Variants in TBC1D22A observed in about 807,000 individuals in gnomAD.
TBC1D22A encodes putative GTPase activator.
In TBC1D22A, 38 loss-of-function variants were observed where a neutral mutation model predicts 60.2. The ratio of observed to expected loss-of-function variants is 0.63; its 90% CI spans 0.49 to 0.83. TBC1D22A has a LOEUF of 0.83. TBC1D22A is among the 40% of genes least tolerant of loss of function. TBC1D22A has a pLI of 0.00. For synonymous variants in TBC1D22A, 302 were observed against 281.7 expected (o/e 1.07, Z -0.72); for missense variants, 628 against 701.0 (o/e 0.90, Z 1.18).
At chr22:46,768,343 G>T (rs1187809337) in intron 1 of TBC1D22A, among the ~76,000 whole-genome samples, 1 of 152,044 alleles carries the variant, frequency 6.6e-6, no homozygotes, top group Non-Finnish European at 1.5e-5. Context: ...AAGTTAGCCA[G>T]GCGTGGTGGC....
At chr22:46,764,955 TG>T (rs1171185131) in intron 1 of TBC1D22A, among the ~76,000 whole-genome samples, 11 of 152,214 alleles carry the variant, frequency 7.2e-5, no homozygotes, top group African/African-American at 2.7e-4. Flanking sequence ...ATTCAGTTGG[TG>T]GTAATTTGTT....
intron 12 of TBC1D22A, among the ~76,000 whole-genome samples, chr22:47,125,976 TTTTTTTG>T (rs2066440284): frequency 2.0e-5 from 3 of 151,792 alleles, no homozygotes; most frequent in Non-Finnish European, 2.9e-5. Flanking sequence ...TGATGTTTCC[TTTTTTTG>T]TTTTTTGTTT....
chr22:46,814,159 C>T (rs959830798), intron 4 of TBC1D22A, among the ~76,000 whole-genome samples: 1 of 152,198 alleles, frequency 6.6e-6, no homozygotes, highest in African/African-American at 2.4e-5. Context: ...TTTAAAATTA[C>T]AGATGGTCAG....
chr22:46,977,153 C>T (rs2074331435), intron 9 of TBC1D22A, among the ~76,000 whole-genome samples: 1 of 152,170 alleles, frequency 6.6e-6, no homozygotes, highest in Admixed American at 6.5e-5. Flanking sequence ...GGGATCTTTC[C>T]TAGCTGAAAT....
chr22:46,891,507 A>G, intron 6 of TBC1D22A, 113 bp downstream of exon 6: 1 of 1,189,018 alleles, frequency 8.4e-7, no homozygotes. Context: ...TTAAAGATGC[A>G]GGTCCCTGAT....
intron 12 of TBC1D22A, among the ~76,000 whole-genome samples, chr22:47,114,913 G>A (rs1007857520): frequency 2.0e-5 from 3 of 152,108 alleles, no homozygotes; most frequent in Admixed American, 6.5e-5. Flanking sequence ...AGGTGAGGGC[G>A]CTGCCTGTGT....
At chr22:46,816,721 A>G (rs567161059) in intron 4 of TBC1D22A, among the ~76,000 whole-genome samples, 17 of 152,102 alleles carry the variant, frequency 1.1e-4, no homozygotes, top group African/African-American at 4.1e-4. Flanking sequence ...CATATTATCA[A>G]TCCCCATGAC....
intron 11 of TBC1D22A, among the ~76,000 whole-genome samples, chr22:47,042,845 GTCT>G (rs1280979639): frequency 6.6e-6 from 1 of 152,224 alleles, no homozygotes; most frequent in African/African-American, 2.4e-5. Flanking sequence ...TAGGTGAAAT[GTCT>G]TCATTTTATT....
At chr22:46,924,768 C>A (rs2070956108) in intron 8 of TBC1D22A, among the ~76,000 whole-genome samples, 1 of 151,160 alleles carries the variant, frequency 6.6e-6, no homozygotes, top group South Asian at 2.1e-4. Context: ...AAAACAAAAA[C>A]ATTATATTCC....
intron 4 of TBC1D22A, among the ~76,000 whole-genome samples, chr22:46,833,206 CTTTG>C (rs967512667): frequency 4.6e-5 from 7 of 152,194 alleles, no homozygotes; most frequent in Non-Finnish European, 7.3e-5. Context: ...TGTTTAGAAT[CTTTG>C]TTTGCTGTGT....
intron 11 of TBC1D22A, among the ~76,000 whole-genome samples, chr22:47,052,197 G>A (rs550705955): frequency 1.3e-5 from 2 of 152,216 alleles, no homozygotes; most frequent in African/African-American, 4.8e-5. Flanking sequence ...TTCTGAACAC[G>A]TATTTAGAGC....
At chr22:47,137,687 A>G (rs1240272222) in intron 12 of TBC1D22A, among the ~76,000 whole-genome samples, 1 of 152,226 alleles carries the variant, frequency 6.6e-6, no homozygotes, top group African/African-American at 2.4e-5. Context: ...TGGCCCCTGA[A>G]GCAGGCGGTA....
At chr22:46,866,819 T>C (rs1371203396) in intron 4 of TBC1D22A, among the ~76,000 whole-genome samples, 2 of 152,236 alleles carry the variant, frequency 1.3e-5, no homozygotes, top group African/African-American at 4.8e-5. Flanking sequence ...GCAGCAGGCA[T>C]GCGGAAGCGT....
At chr22:46,873,308 TA>T (rs2067379120) in intron 4 of TBC1D22A, among the ~76,000 whole-genome samples, 1 of 152,172 alleles carries the variant, frequency 6.6e-6, no homozygotes, top group South Asian at 2.1e-4. Context: ...TCAACATCAT[TA>T]ATCATCATAA....
At chr22:47,125,308 G>A (rs2066415761) in intron 12 of TBC1D22A, among the ~76,000 whole-genome samples, 1 of 152,236 alleles carries the variant, frequency 6.6e-6, no homozygotes. Context: ...GTTCCCCGGG[G>A]CGGGGCTTTC....
intron 11 of TBC1D22A, among the ~76,000 whole-genome samples, chr22:47,049,103 G>T (rs1431528028): frequency 6.6e-6 from 1 of 152,188 alleles, no homozygotes; most frequent in African/African-American, 2.4e-5. Flanking sequence ...GGAGGCCGGC[G>T]CTCCACCTGG....
intron 1 of TBC1D22A, among the ~76,000 whole-genome samples, chr22:46,781,511 G>A (rs757054631): frequency 2.6e-4 from 39 of 152,196 alleles, no homozygotes; most frequent in African/African-American, 3.6e-4. Context: ...TACCTGCCTC[G>A]CCTGCCATGG....
At chr22:47,072,953 T>C (rs1391282460) in intron 11 of TBC1D22A, among the ~76,000 whole-genome samples, 1 of 152,236 alleles carries the variant, frequency 6.6e-6, no homozygotes, top group East Asian at 1.9e-4. Context: ...GATGGATAGC[T>C]CTGGGCAGCT....
intron 7 of TBC1D22A, 106 bp downstream of exon 7, chr22:46,894,952 G>T: frequency 1.6e-6 from 2 of 1,276,714 alleles, no homozygotes; most frequent in Admixed American, 1.7e-5. Flanking sequence ...CAGAAGCAAG[G>T]TTGCTGTGGT....
Sources: gnomAD v4.1 joint callset for allele counts (sites outside exome capture counted in the v4.1 genomes callset) on GRCh38, gnomAD v4.1.1 for gene constraint, MANE v1.5 for transcripts, NCBI Gene and HGNC (gene_info 2026-07-23, HGNC 2026-07-21) for gene names.